NAMPT: variants seen among roughly 807,000 people sequenced by gnomAD.
NAMPT encodes the protein nicotinamide phosphoribosyltransferase.
In NAMPT, 7 loss-of-function variants were observed where a neutral mutation model predicts 58.7. The observed-to-expected ratio is 0.12, with a 90% CI of 0.07 to 0.22. NAMPT has a LOEUF of 0.22. Ranked by LOEUF, NAMPT falls within the 10% of genes least tolerant of loss-of-function variation. The probability of loss-of-function intolerance (pLI) is 1.00; values close to 1 mark genes in which losing one functional copy is unlikely to be tolerated. For synonymous variants in NAMPT, 145 were observed against 198.1 expected, an observed-to-expected ratio of 0.73 and a Z score of 2.25; for missense variants, 271 against 567.9, an observed-to-expected ratio of 0.48 and a Z score of 5.31.
At chr7:106,280,162 AGAGT>A (rs1237774906) in intron 1 of NAMPT, among the ~76,000 whole-genome samples, 1 of 152,162 alleles carries the variant, frequency 6.6e-6, no homozygotes, top group East Asian at 1.9e-4. Flanking sequence ...GGGTGACCAA[AGAGT>A]GCAGGAGTTA....
At chr7:106,285,234 G>T, upstream of NAMPT, 2 of 986,464 alleles carry the variant, frequency 2.0e-6, no homozygotes, top group Non-Finnish European at 2.5e-6. Flanking sequence ...AGGAGGACGT[G>T]ATGCACGCGC....
At position 106,284,916 on chromosome 7, in the gene NAMPT, G is replaced by T. The variant is rs1163990882; in HGVS notation, c.-32C>A. Reference sequence around the variant, plus strand: ...CCGGAGGACAGGGGCCGCGCGCCGCGAGCTCCCTGGCGCGGCTGCGAGGAA... The same window carrying T: ...CCGGAGGACAGGGGCCGCGCGCCGCTAGCTCCCTGGCGCGGCTGCGAGGAA... On this transcript the variant is annotated 5_prime_UTR_variant, in exon 1 of 11. Transcript: ENST00000222553. The T allele has an allele frequency of 1.9e-6, 3 of 1,570,782 alleles. No individual in the cohort carries two copies. Among genetic ancestry groups the T allele is most frequent in the Non-Finnish European group, 2.6e-6 (3 of 1,157,036 alleles).
intron 1 of NAMPT, among the ~76,000 whole-genome samples, chr7:106,283,448 A>C (rs1483234844): frequency 1.3e-5 from 2 of 152,194 alleles, no homozygotes; most frequent in Non-Finnish European, 1.5e-5. Context: ...ATGTAAAAAA[A>C]AAATCTGACA....
At chr7:106,285,177 G>A, upstream of NAMPT, 1 of 1,226,962 alleles carries the variant, frequency 8.2e-7, no homozygotes, top group Non-Finnish European at 1.0e-6. Flanking sequence ...GCCGAGAAAG[G>A]GCGGGGCGCG....
upstream of NAMPT, chr7:106,285,134 G>C (rs946610256): frequency 2.3e-6 from 3 of 1,295,936 alleles, no homozygotes; most frequent in East Asian, 6.2e-5. Flanking sequence ...CCCCACCTCG[G>C]TTCCCCCGCC....
upstream of NAMPT, chr7:106,285,331 C>G (rs908410275): frequency 2.0e-6 from 1 of 494,064 alleles, no homozygotes; most frequent in Non-Finnish European, 2.7e-6. Context: ...AGTTCGAGTT[C>G]CCGGCACGGG....
At chr7:106,258,875 C>T (rs1005249805) in intron 8 of NAMPT, among the ~76,000 whole-genome samples, 7 of 151,984 alleles carry the variant, frequency 4.6e-5, no homozygotes, top group Non-Finnish European at 1.0e-4. Flanking sequence ...TGTGGCAATG[C>T]CTTAAAATGA....
chr7:106,275,524 A>G (rs772970877), intron 2 of NAMPT: 1 of 152,996 alleles, frequency 6.5e-6, no homozygotes, highest in Non-Finnish European at 1.5e-5. Context: ...AAATGAGGAT[A>G]AAAGTCGAGT....
In NAMPT at chr7:106,253,003, G is replaced by A; in HGVS notation, c.1365+14C>T. On this transcript the variant is annotated intron_variant, in intron 10 of 10. Transcript: ENST00000222553. Reference sequence around the variant, plus strand: ...TACTATTGCTTAAAAAAACCAATCAGCATAGATACATACCTGACCATATTC... The same window carrying A: ...TACTATTGCTTAAAAAAACCAATCAACATAGATACATACCTGACCATATTC... The A allele has an allele frequency of 6.2e-7, 1 of 1,611,618 alleles. No homozygotes were observed. Among genetic ancestry groups the A allele is most frequent in the Non-Finnish European group, 8.5e-7 (1 of 1,178,754 alleles).
chr7:106,266,455 C>G (rs1326943300), intron 6 of NAMPT, among the ~76,000 whole-genome samples: 1 of 152,170 alleles, frequency 6.6e-6, no homozygotes, highest in African/African-American at 2.4e-5. Flanking sequence ...CTAAAAATAA[C>G]TCTTAAAACT....
intron 7 of NAMPT, 70 bp downstream of exon 7, chr7:106,263,322 A>C: frequency 9.0e-7 from 1 of 1,116,302 alleles, no homozygotes; most frequent in East Asian, 2.4e-5. Context: ...GTGTATATAA[A>C]TGAAAAGTAG....
intron 6 of NAMPT, among the ~76,000 whole-genome samples, chr7:106,266,022 CTT>C (rs1176765641): frequency 6.6e-6 from 1 of 152,110 alleles, no homozygotes; most frequent in Non-Finnish European, 1.5e-5. Flanking sequence ...AGATGTAAAA[CTT>C]TAGCTCCTCC....
intron 1 of NAMPT, 61 bp downstream of exon 1, chr7:106,284,767 G>A: frequency 1.3e-6 from 1 of 756,206 alleles, no homozygotes; most frequent in Non-Finnish European, 1.7e-6. Context: ...CCGCCCCCCT[G>A]CCGCGCGCTC....
chr7:106,271,303 C>T (rs1042345995), intron 4 of NAMPT, among the ~76,000 whole-genome samples: 2 of 152,082 alleles, frequency 1.3e-5, no homozygotes, highest in Non-Finnish European at 1.5e-5. Flanking sequence ...TCAGCTCTTC[C>T]TTCTCCTTAT....
intron 2 of NAMPT, 79 bp downstream of exon 2, chr7:106,276,944 T>G: frequency 8.8e-7 from 1 of 1,142,836 alleles, no homozygotes; most frequent in South Asian, 1.3e-5. Flanking sequence ...ATTAACAGAT[T>G]TGTTAAAAAT....
In NAMPT at chr7:106,268,440, T is replaced by C. The variant is rs776544128; in HGVS notation, c.743+24A>G. The C allele has an allele frequency of 4.3e-5, 68 of 1,591,010 alleles. No individual in the cohort carries two copies. In the African/African-American group the frequency reaches 7.3e-4, roughly 17 times the overall value. ...ACAAGAGTGAAAAAATTAGTAGTTTTAAAAAATGAACAGAATTTTTTACCT... is the reference window on the plus strand; with the variant it reads ...ACAAGAGTGAAAAAATTAGTAGTTTCAAAAAATGAACAGAATTTTTTACCT... On this transcript the variant is annotated intron_variant, in intron 6 of 10. Coordinates refer to ENST00000222553, the MANE Select transcript of NAMPT (RefSeq NM_005746.3).
chr7:106,284,798 C>T (rs1192136700), intron 1 of NAMPT, 30 bp downstream of exon 1: 2 of 1,484,366 alleles, frequency 1.3e-6, no homozygotes, highest in Non-Finnish European at 1.8e-6. Flanking sequence ...CGCCCCGCTC[C>T]TCCTCATCTG....
intron 6 of NAMPT, among the ~76,000 whole-genome samples, chr7:106,267,943 C>T (rs1428599755): frequency 7.5e-6 from 1 of 134,142 alleles, no homozygotes; most frequent in Non-Finnish European, 1.5e-5. Flanking sequence ...ATTGTAATTT[C>T]TTTCTTGGGT....
intron 6 of NAMPT, among the ~76,000 whole-genome samples, chr7:106,268,015 T>C (rs1487578628): frequency 2.0e-5 from 3 of 152,018 alleles, no homozygotes; most frequent in Admixed American, 1.3e-4. Context: ...ACACCCTTTC[T>C]TTCCTCAACA....
Sources: allele counts gnomAD v4.1 joint callset (sites outside exome capture counted in the v4.1 genomes callset), GRCh38; gene constraint gnomAD v4.1.1; transcripts MANE v1.5; gene names NCBI Gene and HGNC (gene_info 2026-07-23, HGNC 2026-07-21).